Variants in KNDC1 observed in about 807,000 individuals in gnomAD.
The protein encoded by KNDC1 is kinase non-catalytic C-lobe domain containing 1.
A neutral mutation model predicts 172.8 loss-of-function variants in KNDC1; 106 were observed. The ratio of observed to expected loss-of-function variants is 0.61; its 90% CI spans 0.52 to 0.72. The LOEUF is 0.72. KNDC1 is among the 30% of genes least tolerant of loss of function. KNDC1 has a pLI of 0.00. For synonymous variants in KNDC1, 1,083 were observed against 1,062.2 expected (o/e 1.02, Z -0.38); for missense variants, 2,325 against 2,394.5 (o/e 0.97, Z 0.61).
In KNDC1 at chr10:133,167,369, C is replaced by A; in HGVS notation, c.103-12C>A. 1 of 1,562,352 alleles carries A rather than the reference C, an allele frequency of 6.4e-7. No homozygotes were observed. On this transcript the variant is annotated splice_polypyrimidine_tract_variant and intron_variant, in intron 1 of 29. Transcript: ENST00000304613. ...GTCCTGCCGGGCTCACGGCCAGGGC[C>A]GGTCTTGGCAGGAGAACGTGTCTCT...
intron 16 of KNDC1, among the ~76,000 whole-genome samples, chr10:133,200,862 T>C (rs907450876): frequency 6.6e-6 from 1 of 152,086 alleles, no homozygotes; most frequent in Non-Finnish European, 1.5e-5. Context: ...AAGGCAGAAG[T>C]GGGCTTGTTA....
chr10:133,204,419 G>A (rs2136008188), intron 17 of KNDC1, among the ~76,000 whole-genome samples: 1 of 152,324 alleles, frequency 6.6e-6, no homozygotes, highest in East Asian at 1.9e-4. Context: ...GGTCGCACTT[G>A]GCTGGGTGGC....
At position 133,160,234 on chromosome 10, in the gene KNDC1, T is replaced by G. The variant is rs1852911931; in HGVS notation, c.-234T>G. Among the ~76,000 whole-genome samples the G allele has an allele frequency of 6.7e-6, 1 of 148,302 alleles. No individual in the cohort carries two copies. The highest frequency in any genetic ancestry group is 1.5e-5 in the Non-Finnish European group (1 of 66,886). ...TGCCTCCCCCAGGAAGGAGCGACGT[T>G]CCCTAGGCGCCGGGTCCGGACAGCG... is the stretch of plus-strand genomic sequence containing the variant. On this transcript the variant is annotated 5_prime_UTR_variant, in exon 1 of 30. Coordinates refer to ENST00000304613, the MANE Select transcript of KNDC1 (RefSeq NM_152643.8).
In KNDC1 at chr10:133,209,305, G is replaced by T. The variant is rs1845301314; in HGVS notation, c.3795-1306G>T. Reference sequence around the variant, plus strand: ...TGTGGAGTATAGTGTGTGTGGTGTGGGGTACAGTGTGTGTGTGCACGTGTG... The same window carrying T: ...TGTGGAGTATAGTGTGTGTGGTGTGTGGTACAGTGTGTGTGTGCACGTGTG... On this transcript the variant is annotated intron_variant, in intron 20 of 29. Transcript: ENST00000304613. This position sits in a 1 kb window ranked among gnomAD's most constrained non-coding sequence, Gnocchi z 4.9. Among the ~76,000 whole-genome samples, 1 of 149,618 alleles carries T rather than the reference G, an allele frequency of 6.7e-6. No homozygotes were observed. The highest frequency in any genetic ancestry group is 1.5e-5 in the Non-Finnish European group (1 of 67,382).
intron 16 of KNDC1, 26 bp from the exon 17 acceptor site, chr10:133,201,475 C>T (rs781716578): frequency 8.9e-6 from 14 of 1,565,906 alleles, no homozygotes; most frequent in South Asian, 7.3e-5. Context: ...CCACTGTCCA[C>T]GTAACCTGCG....
At chr10:133,214,258 A>G in intron 26 of KNDC1, 136 bp downstream of exon 26, 1 of 955,928 alleles carries the variant, frequency 1.0e-6, no homozygotes, top group Non-Finnish European at 1.5e-6. Context: ...TTGGAACCAC[A>G]CCCGACCCAA....
intron 26 of KNDC1, among the ~76,000 whole-genome samples, chr10:133,215,326 C>G (rs1845450434): frequency 1.3e-5 from 2 of 152,250 alleles, no homozygotes; most frequent in Non-Finnish European, 1.5e-5. Context: ...GCAAAGCCAC[C>G]TCCACGGTGG....
intron 3 of KNDC1, chr10:133,179,274 T>C (rs536057857): frequency 6.6e-6 from 1 of 152,328 alleles, no homozygotes; most frequent in Admixed American, 6.5e-5. Flanking sequence ...CCCTGGCCAG[T>C]GAGGCCCTGT....
At chr10:133,207,412 G>T (rs574137926) in intron 20 of KNDC1, 61 bp downstream of exon 20, 194 of 1,472,936 alleles carry the variant, frequency 1.3e-4, no homozygotes, top group African/African-American at 1.1e-3. Flanking sequence ...TGAGAAGAGG[G>T]GGGGAACGTG....
At chr10:133,188,772 T>G in intron 7 of KNDC1, 119 bp downstream of exon 7, 6 of 506,452 alleles carry the variant, frequency 1.2e-5, no homozygotes, top group East Asian at 3.6e-5. Flanking sequence ...GCCCCCCCAC[T>G]GTCCCATCAC....
At chr10:133,195,445 TG>T (rs1475958285) in intron 9 of KNDC1, among the ~76,000 whole-genome samples, 2 of 152,036 alleles carry the variant, frequency 1.3e-5, no homozygotes, top group Non-Finnish European at 2.9e-5. Context: ...GACAGAACCA[TG>T]GGGGAGAGTT....
chr10:133,222,487 CCCGGTGTGTGTGTGTGTGTGTGAGCCCA>C, intron 29 of KNDC1, among the ~76,000 whole-genome samples: 1 of 49,562 alleles, frequency 2.0e-5, no homozygotes, highest in Non-Finnish European at 4.5e-5. Context: ...GCATGCTCTT[CCCGGTGTGTGTGTGTGTGTGTGAGCCCA>C]TCCAGGCATG....
At chr10:133,220,966 C>T (rs541231458) in intron 29 of KNDC1, among the ~76,000 whole-genome samples, 2 of 152,222 alleles carry the variant, frequency 1.3e-5, no homozygotes, top group South Asian at 4.1e-4. Flanking sequence ...CACTCACAGC[C>T]TCAGACCTCC....
rs1032940320 is a variant in KNDC1 at position 133,209,126 on chromosome 10, G to A, written c.3795-1485G>A. Among the ~76,000 whole-genome samples the A allele has an allele frequency of 1.3e-5, 2 of 151,624 alleles. No individual in the cohort carries two copies. The highest frequency in any genetic ancestry group is 4.9e-5 in the African/African-American group (2 of 41,210). On this transcript the variant is annotated intron_variant, in intron 20 of 29. Transcript: ENST00000304613. This position sits in a 1 kb window ranked among gnomAD's most constrained non-coding sequence, Gnocchi z 4.9. Reference sequence around the variant, plus strand: ...TATGGTGTGTGATGTGGAGTATTGTGTGGCGTGTGTGGTGTGTGGTTGGGT... The same window carrying A: ...TATGGTGTGTGATGTGGAGTATTGTATGGCGTGTGTGGTGTGTGGTTGGGT...
intron 6 of KNDC1, 138 bp from the exon 7 acceptor site, chr10:133,188,401 C>T (rs10400120): frequency 0.021 from 12,916 of 607,422 alleles, 1,104 homozygotes; most frequent in African/African-American, 0.2. Flanking sequence ...ACCTCCCTAG[C>T]CCTTCTATCA....
In KNDC1 at chr10:133,198,966, A is replaced by G; in HGVS notation, c.2458A>G (p.Thr820Ala). ...GLRPDALGPT[T>A]AHHGPRHPPK... is the part of the protein sequence containing the mutation. ...CAGGCCCGACGCCCTGGGGCCCACC[A>G]CGGCCCACCACGGCCCACGCCACCC... is the stretch of plus-strand genomic sequence containing the variant. Residue 820 changes from threonine (T) to alanine (A), a missense_variant, in exon 14 of 30, where the codon ACG becomes GCG. By Grantham distance (58) the Thr-to-Ala change is moderately conservative (BLOSUM62 0). Transcript: ENST00000304613. 6.5e-7 allele frequency: 1 copy of G among 1,538,954 alleles called. No individual in the cohort carries two copies. Among genetic ancestry groups the G allele is most frequent in the African/African-American group, 1.4e-5 (1 of 72,982 alleles).
rs977929168 is a variant in KNDC1, at chr10:133,198,343, T to C, written c.1913T>C (p.Leu638Pro). 2 of 1,577,352 alleles carry C rather than the reference T, an allele frequency of 1.3e-6. No homozygotes were observed. The highest frequency in any genetic ancestry group is 1.7e-6 in the Non-Finnish European group (2 of 1,162,612). ...CAGCCCCCTGGCTCCCCAGGCTTCC[T>C]GCCGGTGAACAGCGACACCGGGCTT... Reference protein sequence around the residue: ...APAPEPSPGFLPVNSDTGLVA... With the variant: ...APAPEPSPGFPPVNSDTGLVA... The change falls in exon 13 of 30, where the codon CTG becomes CCG. Residue 638 changes from leucine to proline, a missense_variant. Physicochemically the swap from Leu to Pro is moderately conservative, Grantham distance 98 (BLOSUM62 -3). Transcript: ENST00000304613.
chr10:133,205,789 C>T (rs917906711), intron 17 of KNDC1, among the ~76,000 whole-genome samples: 12 of 151,998 alleles, frequency 7.9e-5, no homozygotes, highest in African/African-American at 1.4e-4. Flanking sequence ...GAGTTGTGAT[C>T]GCGCCACTGC....
Position 133,224,365 on chromosome 10 carries a change from G to A in KNDC1, c.5019-294G>A, listed in dbSNP as rs1186203372. On this transcript the variant is annotated intron_variant, in intron 29 of 29. Transcript: ENST00000304613. The surrounding 1 kb of genome is among the most constrained non-coding windows in gnomAD (Gnocchi z 5.4). The stretch of plus-strand genomic sequence containing the variant: ...TCGTCCTCTCAGCTGCAGCCCCTGC[G>A]GCAGACTGGGCTTGACTCTTCTTGG... Among the ~76,000 whole-genome samples the A allele has an allele frequency of 5.9e-5, 9 of 152,132 alleles. No individual in the cohort carries two copies. Among genetic ancestry groups the A allele is most frequent in the Non-Finnish European group, 8.8e-5 (6 of 68,034 alleles).
Sources: allele counts gnomAD v4.1 joint callset (sites outside exome capture counted in the v4.1 genomes callset), GRCh38; gene constraint gnomAD v4.1.1; non-coding constraint Gnocchi (gnomAD v3.1); transcripts MANE v1.5; gene names NCBI Gene and HGNC (gene_info 2026-07-23, HGNC 2026-07-21).